The following MYO5B variants were observed in gnomAD, a reference collection of about 807,000 sequenced individuals.
MYO5B encodes the protein unconventional myosin-Vb.
MYO5B carries 143 observed loss-of-function variants against 229.3 expected under a neutral mutation model. That is an observed-to-expected ratio of 0.62 (90% CI 0.54 to 0.72). MYO5B has a LOEUF of 0.72. Ranked by LOEUF, MYO5B falls within the 30% of genes least tolerant of loss-of-function variation. The probability of loss-of-function intolerance (pLI) is 0.00; values close to 1 mark genes in which losing one functional copy is unlikely to be tolerated. For missense variants in MYO5B, 2,321 were observed against 2,331.0 expected (o/e 1.00, Z 0.09); for synonymous variants, 918 against 885.2 (o/e 1.04, Z -0.66).
intron 2 of MYO5B, among the ~76,000 whole-genome samples, chr18:50,043,357 AAATAT>A (rs1378189591): frequency 4.9e-5 from 4 of 82,292 alleles, no homozygotes; most frequent in Non-Finnish European, 9.3e-5. Flanking sequence ...TATATAATAT[AAATAT>A]ATTATATAAT....
At chr18:49,853,979 T>C (rs2144061549) in intron 30 of MYO5B, among the ~76,000 whole-genome samples, 1 of 152,326 alleles carries the variant, frequency 6.6e-6, no homozygotes, top group East Asian at 1.9e-4. Context: ...TCAACAGAAA[T>C]ACATCTCTTA....
intron 1 of MYO5B, among the ~76,000 whole-genome samples, chr18:50,142,492 C>T (rs184876904): frequency 2.0e-5 from 3 of 152,312 alleles, no homozygotes; most frequent in African/African-American, 4.8e-5. Context: ...TCCTCATCTA[C>T]GTCTCTGACA....
intron 17 of MYO5B, among the ~76,000 whole-genome samples, chr18:49,924,985 A>G (rs1000121040): frequency 7.2e-5 from 11 of 152,208 alleles, no homozygotes; most frequent in African/African-American, 2.7e-4. Flanking sequence ...ATAAAATTCT[A>G]AAGCCCCAAC....
intron 9 of MYO5B, 46 bp downstream of exon 9, chr18:49,980,398 G>A: frequency 7.6e-7 from 1 of 1,319,888 alleles, no homozygotes; most frequent in Non-Finnish European, 1.1e-6. Context: ...TCAAAGAACA[G>A]GGTAAATTGT....
At chr18:49,969,156 C>G (rs546841230) in intron 10 of MYO5B, among the ~76,000 whole-genome samples, 124 of 152,258 alleles carry the variant, frequency 8.1e-4, no homozygotes, top group Non-Finnish European at 1.3e-3. Context: ...CTGGGCTGTC[C>G]AGGGCTGAGA....
intron 17 of MYO5B, among the ~76,000 whole-genome samples, chr18:49,914,083 TACAA>T (rs964451088): frequency 1.3e-5 from 2 of 152,128 alleles, no homozygotes; most frequent in African/African-American, 4.8e-5. Context: ...CAGGACCCTG[TACAA>T]GGGCCTGGGT....
intron 22 of MYO5B, 41 bp from the exon 23 acceptor site, chr18:49,880,496 G>A: frequency 6.6e-7 from 1 of 1,504,032 alleles, no homozygotes; most frequent in Non-Finnish European, 9.3e-7. Context: ...CATGATGCTG[G>A]GAAGAGGAGA....
At chr18:49,991,954 A>G (rs1252641728) in intron 6 of MYO5B, among the ~76,000 whole-genome samples, 2 of 152,248 alleles carry the variant, frequency 1.3e-5, no homozygotes, top group Non-Finnish European at 2.9e-5. Context: ...CGTATTTATG[A>G]CATTCCCCTG....
chr18:49,899,397 C>T (rs1041714229), intron 21 of MYO5B, among the ~76,000 whole-genome samples: 1 of 152,196 alleles, frequency 6.6e-6, no homozygotes, highest in African/African-American at 2.4e-5. Flanking sequence ...GACACTGGGT[C>T]ACACTCCCCA....
rs1200825250 is a variant in MYO5B at position 50,067,302 on chromosome 18, A to C, written c.28-11924T>G. 3.3e-5 allele frequency among the ~76,000 whole-genome samples: 5 copies of C among 152,290 alleles called. No individual in the cohort carries two copies. In the South Asian group the frequency reaches 6.2e-4, roughly 19 times the overall value. ...GAAGATCGGTTATATTTCCTGTTCTATCTGTACATGGGAGCTATGGCTGGA... is the reference window on the plus strand; with the variant it reads ...GAAGATCGGTTATATTTCCTGTTCTCTCTGTACATGGGAGCTATGGCTGGA... On this transcript the variant is annotated intron_variant, in intron 1 of 39. Coordinates refer to ENST00000285039, the MANE Select transcript of MYO5B (RefSeq NM_001080467.3).
At chr18:50,124,848 T>A (rs571352574) in intron 1 of MYO5B, among the ~76,000 whole-genome samples, 6 of 152,232 alleles carry the variant, frequency 3.9e-5, no homozygotes, top group African/African-American at 1.4e-4. Flanking sequence ...TCTTTCTTAA[T>A]AAACTGCAGA....
chr18:50,096,431 G>C (rs2031552261), intron 1 of MYO5B, among the ~76,000 whole-genome samples: 1 of 151,950 alleles, frequency 6.6e-6, no homozygotes, highest in South Asian at 2.1e-4. Flanking sequence ...CTTGCCTTCA[G>C]CCTCTCCCCC....
chr18:49,855,303 C>T (rs1250530702), intron 30 of MYO5B, among the ~76,000 whole-genome samples: 1 of 152,194 alleles, frequency 6.6e-6, no homozygotes, highest in Non-Finnish European at 1.5e-5. Context: ...AGGCTAGCCA[C>T]CTCATCGTGC....
At chr18:50,098,717 T>G (rs1259890594) in intron 1 of MYO5B, 1 of 152,300 alleles carries the variant, frequency 6.6e-6, no homozygotes, top group African/African-American at 2.4e-5. Flanking sequence ...CTCCTCTGTA[T>G]CATCAATGTA....
intron 4 of MYO5B, among the ~76,000 whole-genome samples, chr18:50,028,265 T>C (rs1367743873): frequency 3.9e-5 from 6 of 152,160 alleles, no homozygotes; most frequent in Admixed American, 1.3e-4. Context: ...AGGATGGAAA[T>C]TTAGTGGCTT....
intron 31 of MYO5B, among the ~76,000 whole-genome samples, chr18:49,852,247 C>T (rs924532664): frequency 6.6e-6 from 1 of 152,260 alleles, no homozygotes; most frequent in African/African-American, 2.4e-5. Flanking sequence ...TGATTGTTCA[C>T]TGCACTACTT....
chr18:50,145,550 A>C (rs2032488833), intron 1 of MYO5B, among the ~76,000 whole-genome samples: 1 of 148,310 alleles, frequency 6.7e-6, no homozygotes, highest in African/African-American at 2.5e-5. Context: ...TTCTCTCAGG[A>C]GCATCCCCAA....
intron 1 of MYO5B, among the ~76,000 whole-genome samples, chr18:50,122,825 C>CA (rs1232556975): frequency 6.6e-6 from 1 of 151,672 alleles, no homozygotes; most frequent in Admixed American, 6.6e-5. Context: ...AAGGTGTCAA[C>CA]AAAGATGTAG....
chr18:49,935,263 G>T (rs928412555), intron 16 of MYO5B, among the ~76,000 whole-genome samples: 3 of 152,114 alleles, frequency 2.0e-5, no homozygotes, highest in Admixed American at 6.5e-5. Context: ...GCACCTCGGG[G>T]TATCCAAAAT....
Sources: allele counts gnomAD v4.1 joint callset (sites outside exome capture counted in the v4.1 genomes callset), GRCh38; gene constraint gnomAD v4.1.1; transcripts MANE v1.5; gene names NCBI Gene and HGNC (gene_info 2026-07-23, HGNC 2026-07-21).